Variants in XG observed in about 807,000 individuals in gnomAD.
XG encodes the protein Xg glycoprotein (Xg blood group).
XG carries 24 observed loss-of-function variants against 25.7 expected under a neutral mutation model. The observed-to-expected ratio is 0.93, with a 90% CI of 0.68 to 1.31. The LOEUF is 1.31. Among genes scored for constraint, XG ranks in the 40% most tolerant of loss-of-function variants. The probability of loss-of-function intolerance (pLI) is 0.00; values close to 1 mark genes in which losing one functional copy is unlikely to be tolerated. For missense variants in XG, 181 were observed against 187.6 expected (o/e 0.96, Z 0.21); for synonymous variants, 77 against 69.2 (o/e 1.11, Z -0.56).
At chrX:2,801,725 T>C (rs1238916328) in intron 7 of XG, among the ~76,000 whole-genome samples, 1 of 111,095 alleles carries the variant, frequency 9.0e-6, no homozygotes, top group Non-Finnish European at 1.9e-5. Context: ...TTATTTTTTT[T>C]TGAGACGGAG....
At chrX:2,792,104 G>A (rs1299280038) in intron 5 of XG, among the ~76,000 whole-genome samples, 1 of 110,794 alleles carries the variant, frequency 9.0e-6, no homozygotes, top group Admixed American at 9.7e-5. Context: ...CCAACATGGT[G>A]AAACCCCATC....
At chrX:2,807,576 A>T (rs1232586570) in intron 8 of XG, among the ~76,000 whole-genome samples, 4 of 111,794 alleles carry the variant, frequency 3.6e-5, no homozygotes. Flanking sequence ...TGTGCTTTAT[A>T]TGTGCTTTTG....
At chrX:2,766,720 A>G (rs1416840098) in intron 1 of XG, among the ~76,000 whole-genome samples, 13 of 148,444 alleles carry the variant, frequency 8.8e-5, no homozygotes, top group South Asian at 4.3e-4. Context: ...GCCCGCCACC[A>G]CACCCGGCTA....
rs183886849 is a variant in XG at position 2,805,086 on chromosome X, C to T, written c.374-1615C>T. ...AGGTGCCGGCTGGGATGCAAGCCGC[C>T]GCCATGGGATGAGTCACGCGGCTTC... On this transcript the variant is annotated intron_variant, in intron 7 of 10. Transcript: ENST00000644266. 5.8e-3 allele frequency among the ~76,000 whole-genome samples: 653 copies of T among 112,228 alleles called. 4 individuals carry two copies. Among genetic ancestry groups the T allele is most frequent in the Middle Eastern group, 0.018 (4 of 219 alleles).
At chrX:2,757,214 T>C (rs959734571) in intron 1 of XG, among the ~76,000 whole-genome samples, 2 of 152,122 alleles carry the variant, frequency 1.3e-5, no homozygotes, top group African/African-American at 4.8e-5. Context: ...CCTTCTCTGC[T>C]GTGCTGCTCT....
At chrX:2,784,777 C>A (rs2086768837) in intron 4 of XG, among the ~76,000 whole-genome samples, 1 of 111,309 alleles carries the variant, frequency 9.0e-6, no homozygotes, top group Non-Finnish European at 1.9e-5. Flanking sequence ...CTTGTCCCAA[C>A]AAAGAGGAGG....
At chrX:2,782,365 C>T (rs1017704661) in intron 4 of XG, among the ~76,000 whole-genome samples, 7 of 112,369 alleles carry the variant, frequency 6.2e-5, no homozygotes, top group Non-Finnish European at 1.3e-4. Context: ...AACCACCCAA[C>T]TGGTTCACTT....
intron 1 of XG, among the ~76,000 whole-genome samples, chrX:2,761,764 A>T (rs2050570461): frequency 6.6e-6 from 1 of 152,108 alleles, no homozygotes. Flanking sequence ...CCACGTGGGG[A>T]CTCAGGGAGA....
chrX:2,765,956 A>G (rs1462213591), intron 1 of XG, among the ~76,000 whole-genome samples: 1 of 152,270 alleles, frequency 6.6e-6, no homozygotes, highest in Non-Finnish European at 1.5e-5. Flanking sequence ...TAATGTGTAT[A>G]CACGGGAGCA....
At chrX:2,767,614 C>T (rs1023500332) in intron 1 of XG, among the ~76,000 whole-genome samples, 1 of 152,108 alleles carries the variant, frequency 6.6e-6, no homozygotes, top group Non-Finnish European at 1.5e-5. Flanking sequence ...GACAGAGACC[C>T]CAGAGTTAGC....
At chrX:2,769,146 G>T (rs1314758171) in intron 1 of XG, among the ~76,000 whole-genome samples, 1 of 152,244 alleles carries the variant, frequency 6.6e-6, no homozygotes, top group African/African-American at 2.4e-5. Flanking sequence ...GCCTGCCCGG[G>T]TGGCATCTGA....
intron 1 of XG, among the ~76,000 whole-genome samples, chrX:2,766,276 G>C (rs1172183515): frequency 5.3e-5 from 8 of 152,158 alleles, no homozygotes; most frequent in African/African-American, 1.9e-4. Flanking sequence ...GAGTAGCTGG[G>C]ATTACAGGCA....
chrX:2,772,937 A>G (rs951047852), intron 2 of XG, among the ~76,000 whole-genome samples: 5 of 152,178 alleles, frequency 3.3e-5, no homozygotes, highest in African/African-American at 1.2e-4. Flanking sequence ...AGTCACCTGC[A>G]TGGCGACTGT....
intron 4 of XG, among the ~76,000 whole-genome samples, chrX:2,787,627 C>A (rs186909580): frequency 1.8e-5 from 2 of 111,495 alleles, no homozygotes; most frequent in Non-Finnish European, 3.8e-5. Context: ...AGAGTCTAGG[C>A]TGGGCGTGGT....
intron 10 of XG, among the ~76,000 whole-genome samples, chrX:2,812,395 G>C (rs2087066595): frequency 1.8e-5 from 2 of 111,047 alleles, no homozygotes; most frequent in African/African-American, 6.5e-5. Context: ...GAGTGACTCA[G>C]ATCTTTAACT....
intron 7 of XG, among the ~76,000 whole-genome samples, chrX:2,804,882 G>A (rs776429446): frequency 1.5e-3 from 165 of 112,319 alleles, no homozygotes; most frequent in Non-Finnish European, 2.5e-3. Flanking sequence ...GCAGGGCCAG[G>A]GCCCGGTGGA....
intron 3 of XG, among the ~76,000 whole-genome samples, chrX:2,776,160 T>G (rs766326829): frequency 9.0e-4 from 137 of 151,986 alleles, no homozygotes; most frequent in African/African-American, 3.1e-3. Flanking sequence ...TTAAGAGTCC[T>G]TTATAAGCCA....
intron 1 of XG, among the ~76,000 whole-genome samples, chrX:2,764,598 G>A (rs2050633981): frequency 6.6e-6 from 1 of 151,948 alleles, no homozygotes; most frequent in Non-Finnish European, 1.5e-5. Flanking sequence ...TAAAACCTCG[G>A]AACTTTCCCC....
intron 1 of XG, among the ~76,000 whole-genome samples, chrX:2,755,692 A>G (rs1452389425): frequency 6.6e-6 from 1 of 152,152 alleles, no homozygotes; most frequent in African/African-American, 2.4e-5. Flanking sequence ...ACTGGAAGGA[A>G]AGTGAGGTCT....
Sources: allele counts gnomAD v4.1 joint callset (sites outside exome capture counted in the v4.1 genomes callset), GRCh38; gene constraint gnomAD v4.1.1; transcripts MANE v1.5; gene names NCBI Gene and HGNC (gene_info 2026-07-23, HGNC 2026-07-21).